RBFOX1: variants seen among roughly 807,000 people sequenced by gnomAD.
The protein encoded by RBFOX1 is RNA binding fox-1 homolog 1, also known as RNA binding protein fox-1 homolog 1.
RBFOX1 carries 8 observed loss-of-function variants against 57.7 expected under a neutral mutation model. The ratio of observed to expected loss-of-function variants is 0.14; its 90% CI spans 0.08 to 0.25. The LOEUF (loss-of-function observed/expected upper bound fraction) is 0.25. Among genes scored for constraint, RBFOX1 ranks in the 10% least tolerant of loss-of-function variants. RBFOX1 has a pLI of 1.00. For synonymous variants in RBFOX1, 326 were observed against 222.4 expected (o/e 1.47, Z -4.15); for missense variants, 611 against 548.5 (o/e 1.11, Z -1.14).
intron 1 of RBFOX1, among the ~76,000 whole-genome samples, chr16:5,340,562 C>T (rs1388560397): frequency 6.6e-6 from 1 of 152,032 alleles, no homozygotes; most frequent in Non-Finnish European, 1.5e-5. Flanking sequence ...ATTCATGGAG[C>T]ATTTAGTTTT....
At chr16:6,072,924 G>T (rs1290647167) in intron 1 of RBFOX1, among the ~76,000 whole-genome samples, 1 of 152,074 alleles carries the variant, frequency 6.6e-6, no homozygotes, top group Non-Finnish European at 1.5e-5. Context: ...TTATGCCCAA[G>T]CTCATCAAAT....
rs117279520 is a variant in RBFOX1 at position 6,079,664 on chromosome 16, G to C, written c.-127+59672G>C. The stretch of plus-strand genomic sequence containing the variant: ...AGCCTGGACAACACAGGGAGACCCC[G>C]TTTCTACAAAAAAATAAATAAGTTA... On this transcript the variant is annotated intron_variant, in intron 1 of 15. Coordinates refer to ENST00000550418, the MANE Select transcript of RBFOX1 (RefSeq NM_018723.4). 6.4e-3 allele frequency among the ~76,000 whole-genome samples: 966 copies of C among 152,024 alleles called. 28 individuals are homozygous for C. Among genetic ancestry groups the C allele is most frequent in the Admixed American group, 0.039 (600 of 15,278 alleles).
chr16:6,927,700 G>C (rs953230211), intron 3 of RBFOX1, among the ~76,000 whole-genome samples: 2 of 147,792 alleles, frequency 1.4e-5, no homozygotes, highest in African/African-American at 5.2e-5. Context: ...GCAGATTTTA[G>C]GGCACTGTAG....
chr16:7,378,189 A>G (rs1032315618), intron 4 of RBFOX1, among the ~76,000 whole-genome samples: 2 of 152,174 alleles, frequency 1.3e-5, no homozygotes, highest in African/African-American at 4.8e-5. Context: ...CTGAGCCGGA[A>G]GTTGTTATGT....
At chr16:7,002,092 A>G (rs1450441096) in intron 3 of RBFOX1, among the ~76,000 whole-genome samples, 1 of 145,252 alleles carries the variant, frequency 6.9e-6, no homozygotes, top group African/African-American at 2.5e-5. Context: ...CTTAGACGCT[A>G]TGGAGAAATT....
At chr16:5,380,710 T>G (rs1290570301) in intron 1 of RBFOX1, among the ~76,000 whole-genome samples, 2 of 152,200 alleles carry the variant, frequency 1.3e-5, no homozygotes, top group Non-Finnish European at 2.9e-5. Flanking sequence ...AAGTAAGTTG[T>G]CCAAAGACAC....
chr16:5,523,571 C>T (rs886437330), intron 2 of RBFOX1, among the ~76,000 whole-genome samples: 2 of 152,192 alleles, frequency 1.3e-5, no homozygotes, highest in African/African-American at 4.8e-5. Context: ...GAGCCACGAA[C>T]ATGCCGCTGC....
chr16:6,866,260 T>TCC (rs2059892712), intron 3 of RBFOX1, among the ~76,000 whole-genome samples: 1 of 152,132 alleles, frequency 6.6e-6, no homozygotes, highest in Non-Finnish European at 1.5e-5. Context: ...ACTACTTTCC[T>TCC]ACCACTTTTC....
At chr16:6,765,922 C>G (rs1399605208) in intron 3 of RBFOX1, among the ~76,000 whole-genome samples, 1 of 152,028 alleles carries the variant, frequency 6.6e-6, no homozygotes, top group Non-Finnish European at 1.5e-5. Flanking sequence ...TAAGTGGGAA[C>G]TAAGGTATGA....
chr16:5,869,434 TC>T (rs1292884425), intron 4 of RBFOX1, among the ~76,000 whole-genome samples: 1 of 152,154 alleles, frequency 6.6e-6, no homozygotes, highest in Non-Finnish European at 1.5e-5. Flanking sequence ...ATGGGGACTC[TC>T]CCAGTCACCA....
At chr16:7,047,481 G>C (rs1457021630) in intron 3 of RBFOX1, among the ~76,000 whole-genome samples, 4 of 152,044 alleles carry the variant, frequency 2.6e-5, no homozygotes, top group Non-Finnish European at 4.4e-5. Flanking sequence ...GTTGTTTTCA[G>C]TGTTTTAATT....
chr16:6,916,929 A>C (rs754962210), intron 3 of RBFOX1, among the ~76,000 whole-genome samples: 7 of 152,254 alleles, frequency 4.6e-5, no homozygotes, highest in Non-Finnish European at 8.8e-5. Flanking sequence ...GGCTCACTGC[A>C]ACCTCCACCT....
chr16:6,664,567 G>A (rs1370021816), intron 3 of RBFOX1, among the ~76,000 whole-genome samples: 1 of 152,168 alleles, frequency 6.6e-6, no homozygotes, highest in Non-Finnish European at 1.5e-5. Flanking sequence ...TGAGAAGCAG[G>A]GCTGTGCGAG....
rs548446811 is a variant in RBFOX1 at position 6,501,710 on chromosome 16, G to A, written c.-63-152893G>A. On this transcript the variant is annotated intron_variant, in intron 2 of 15. Coordinates refer to ENST00000550418, the MANE Select transcript of RBFOX1 (RefSeq NM_018723.4). The stretch of plus-strand genomic sequence containing the variant: ...GATCTCATTCTAAAACATTCACCCA[G>A]TCCACTGACCTGTACTGGGCGCTGT... Among the ~76,000 whole-genome samples the A allele has an allele frequency of 6.6e-5, 10 of 152,198 alleles. No individual in the cohort carries two copies. The East Asian group carries it at 1.9e-3, about 30-fold the overall frequency.
chr16:6,637,169 A>AAATATATTATATAATATACAATATATAT (rs1294133989), intron 2 of RBFOX1, among the ~76,000 whole-genome samples: 6 of 65,042 alleles, frequency 9.2e-5, no homozygotes, highest in African/African-American at 5.0e-4. Flanking sequence ...ATTATATATT[A>AAATATATTATATAATATACAATATATAT]TATATATTAT....
chr16:7,151,765 G>T (rs921993112), intron 4 of RBFOX1, among the ~76,000 whole-genome samples: 40 of 151,920 alleles, frequency 2.6e-4, no homozygotes, highest in African/African-American at 9.0e-4. Flanking sequence ...TCCCATCTTG[G>T]GGTGATGGTA....
At chr16:7,185,627 G>T (rs376838903) in intron 4 of RBFOX1, among the ~76,000 whole-genome samples, 1 of 152,170 alleles carries the variant, frequency 6.6e-6, no homozygotes, top group African/African-American at 2.4e-5. Flanking sequence ...ACTAATATTT[G>T]TGTGTCAGAA....
chr16:6,589,021 T>C (rs370390921), intron 2 of RBFOX1, among the ~76,000 whole-genome samples: 2 of 152,162 alleles, frequency 1.3e-5, no homozygotes, highest in African/African-American at 2.4e-5. Flanking sequence ...CCCTTCATCA[T>C]TGAGGAACCT....
intron 4 of RBFOX1, among the ~76,000 whole-genome samples, chr16:7,344,934 G>GT (rs780279007): frequency 6.6e-5 from 10 of 152,150 alleles, no homozygotes; most frequent in Non-Finnish European, 1.2e-4. Flanking sequence ...TTTCTGATCA[G>GT]TTTTTCCCCC....
Sources: gnomAD v4.1 joint callset for allele counts (sites outside exome capture counted in the v4.1 genomes callset) on GRCh38, gnomAD v4.1.1 for gene constraint, MANE v1.5 for transcripts, NCBI Gene and HGNC (gene_info 2026-07-23, HGNC 2026-07-21) for gene names.